Variants in DOP1A observed in about 807,000 individuals in gnomAD.
DOP1A encodes protein DOP1A.
A neutral mutation model predicts 267.6 loss-of-function variants in DOP1A; 90 were observed. That is an observed-to-expected ratio of 0.34 (90% CI 0.28 to 0.40). The LOEUF is 0.40. Ranked by LOEUF, DOP1A falls within the 10% of genes least tolerant of loss-of-function variation. DOP1A has a pLI of 1.00. For synonymous variants in DOP1A, 932 were observed against 999.1 expected, an observed-to-expected ratio of 0.93 and a Z score of 1.27; for missense variants, 2,437 against 2,900.4, an observed-to-expected ratio of 0.84 and a Z score of 3.67.
intron 1 of DOP1A, among the ~76,000 whole-genome samples, chr6:83,082,808 C>T (rs1768360349): frequency 2.0e-5 from 3 of 150,574 alleles, no homozygotes; most frequent in Non-Finnish European, 4.4e-5. Flanking sequence ...TTTTTAAACC[C>T]ACTTTTTTTT....
intron 38 of DOP1A, chr6:83,164,749 T>C (rs1562392601): frequency 1.3e-6 from 2 of 1,561,614 alleles, no homozygotes; most frequent in Admixed American, 1.9e-5. Context: ...GCTTATGATA[T>C]GGCAGCAAAA....
intron 23 of DOP1A, among the ~76,000 whole-genome samples, chr6:83,141,707 C>T (rs1779673677): frequency 6.6e-6 from 1 of 151,912 alleles, no homozygotes; most frequent in African/African-American, 2.4e-5. Context: ...TTTTATTTGG[C>T]TGATTGGTAG....
In DOP1A at chr6:83,108,969, G is replaced by A. The variant is rs1774112361; in HGVS notation, c.380G>A (p.Ser127Asn). The A allele has an allele frequency of 6.2e-7, 1 of 1,613,566 alleles. No homozygotes were observed. Among genetic ancestry groups the A allele is most frequent in the Admixed American group, 1.7e-5 (1 of 59,986 alleles). ...ATGTCTGTGAAACCAACATTGCTCA[G>A]TTTGTATGAGATATATTATCTGCCT... Reference protein sequence around the residue: ...AAMSVKPTLLSLYEIYYLPLG... With the variant: ...AAMSVKPTLLNLYEIYYLPLG... Residue 127 changes from serine (S) to asparagine (N), a missense_variant, in exon 5 of 39, where the codon AGT becomes AAT. By Grantham distance (46) the Ser-to-Asn change is conservative (BLOSUM62 1). Coordinates refer to ENST00000349129, the MANE Select transcript of DOP1A (RefSeq NM_015018.4).
chr6:83,118,599 ATTTGT>A (rs941430257), intron 7 of DOP1A, among the ~76,000 whole-genome samples: 15 of 152,090 alleles, frequency 9.9e-5, no homozygotes, highest in Non-Finnish European at 1.5e-4. Context: ...GCTTCATTTT[ATTTGT>A]TTTATGTCAG....
chr6:83,068,685 C>T (rs911437609), intron 1 of DOP1A, among the ~76,000 whole-genome samples: 1 of 152,178 alleles, frequency 6.6e-6, no homozygotes, highest in African/African-American at 2.4e-5. Flanking sequence ...CATAAGTTCT[C>T]ACATTTTAAT....
intron 1 of DOP1A, among the ~76,000 whole-genome samples, chr6:83,071,239 TCTCA>T (rs1785534142): frequency 6.6e-6 from 1 of 150,962 alleles, no homozygotes; most frequent in Non-Finnish European, 1.5e-5. Flanking sequence ...TGAAATGGAG[TCTCA>T]CTCTGTCATC....
chr6:83,153,155 T>G (rs753181672), intron 30 of DOP1A, among the ~76,000 whole-genome samples: 3 of 67,476 alleles, frequency 4.4e-5, no homozygotes, highest in East Asian at 4.2e-4. Flanking sequence ...CAATTGTTTG[T>G]TTTTTTTTCC....
chr6:83,073,001 C>CT (rs1324351622), intron 1 of DOP1A: 3 of 373,846 alleles, frequency 8.0e-6, no homozygotes, highest in Non-Finnish European at 1.6e-5. Flanking sequence ...AAGTTAGTCT[C>CT]TGACATTTTG....
At chr6:83,116,729 T>A (rs943261322) in intron 7 of DOP1A, among the ~76,000 whole-genome samples, 9 of 152,140 alleles carry the variant, frequency 5.9e-5, no homozygotes, top group African/African-American at 2.2e-4. Context: ...GAGAATCACT[T>A]GAACCTGGGA....
intron 1 of DOP1A, among the ~76,000 whole-genome samples, chr6:83,077,312 G>T (rs1767269604): frequency 6.6e-6 from 1 of 151,260 alleles, no homozygotes; most frequent in Admixed American, 6.6e-5. Context: ...AACCAGCCTG[G>T]GCAACATAGC....
At chr6:83,085,385 G>T (rs776322094) in intron 1 of DOP1A, among the ~76,000 whole-genome samples, 15 of 152,148 alleles carry the variant, frequency 9.9e-5, no homozygotes, top group Non-Finnish European at 2.1e-4. Context: ...AAATTTCAAA[G>T]TGTAACAAAT....
Position 83,145,675 on chromosome 6 carries a change from C to G in DOP1A, c.5676+17C>G. ...AAGGACAAGGTAAGAAAAAACTCTT[C>G]TTCACATGTGTTTACAATTCTGTTT... On this transcript the variant is annotated intron_variant, in intron 25 of 38. Transcript: ENST00000349129. The G allele has an allele frequency of 6.2e-7, 1 of 1,606,844 alleles. No individual in the cohort carries two copies.
At chr6:83,091,847 CTCTG>C (rs772150714) in intron 1 of DOP1A, among the ~76,000 whole-genome samples, 2 of 152,196 alleles carry the variant, frequency 1.3e-5, no homozygotes, top group Non-Finnish European at 2.9e-5. Flanking sequence ...GTGTGTTTTA[CTCTG>C]TCTACCACAT....
At chr6:83,111,618 G>T (rs765445334) in intron 6 of DOP1A, among the ~76,000 whole-genome samples, 1 of 151,986 alleles carries the variant, frequency 6.6e-6, no homozygotes, top group Non-Finnish European at 1.5e-5. Context: ...TTTCCCTAAA[G>T]ACTAACGATG....
Position 83,120,717 on chromosome 6 carries a change from G to C in DOP1A, c.1025G>C (p.Gly342Ala), listed in dbSNP as rs531365171. The part of the protein sequence containing the change: ...MVGILQVNGF[G>A]EENTLMQDLK... Reference sequence around the variant, plus strand: ...GGAATCTTACAAGTGAATGGATTTGGAGAAGAGAACACTCTAATGCAGGAT... The same window carrying C: ...GGAATCTTACAAGTGAATGGATTTGCAGAAGAGAACACTCTAATGCAGGAT... The change falls in exon 10 of 39, where the codon GGA becomes GCA. Residue 342 changes from glycine to alanine, a missense_variant. Physicochemically the swap from Gly to Ala is moderately conservative, Grantham distance 60 (BLOSUM62 0). Coordinates refer to ENST00000349129, the MANE Select transcript of DOP1A (RefSeq NM_015018.4). 7 of 1,586,246 alleles carry C rather than the reference G, an allele frequency of 4.4e-6. No individual in the cohort carries two copies. In the African/African-American group the frequency reaches 9.4e-5, roughly 21 times the overall value.
rs758365484 is a variant in DOP1A, at chr6:83,113,287, A to G, written c.682-36A>G. 4.5e-6 allele frequency: 7 copies of G among 1,550,368 alleles called. 1 individual carries two copies. The South Asian group carries it at 8.1e-5, about 18-fold the overall frequency. ...TTTCGTGGCAAAAATGTCTCAGCAT[A>G]ATAGACAATAGATGTTAAAGATGCT... On this transcript the variant is annotated intron_variant, in intron 6 of 38. Coordinates refer to ENST00000349129, the MANE Select transcript of DOP1A (RefSeq NM_015018.4).
In DOP1A at chr6:83,124,729, G is replaced by A. The variant is rs763170333; in HGVS notation, c.1365G>A (p.Gln455=). 2.5e-6 allele frequency: 4 copies of A among 1,612,974 alleles called. No homozygotes were observed. Among genetic ancestry groups the A allele is most frequent in the Non-Finnish European group, 2.5e-6 (3 of 1,179,488 alleles). The change falls in exon 13 of 39, where the codon CAG becomes CAA. Residue 455 remains glutamine (Q), a synonymous_variant. Transcript: ENST00000349129. ...GGAGGACACTGCATGTGAGACTTCA[G>A]ATTGGACCTGGAGATAGTAATGACT... The part of the protein sequence containing the change: ...CCRRTLHVRL[Q]IGPGDSNDSS...
Position 83,109,845 on chromosome 6 carries a change from T to TTTG in DOP1A, c.492-268_492-266dup, listed in dbSNP as rs571047057. On this transcript the variant is annotated intron_variant, in intron 5 of 38. Coordinates refer to ENST00000349129, the MANE Select transcript of DOP1A (RefSeq NM_015018.4). ...GTAGATAGGTCTTGTGGTGGAGTGT[T>TTTG]TTGTTGTTGTTGTTCTCTTCATTTT... is the stretch of plus-strand genomic sequence containing the variant. 2.1e-3 allele frequency among the ~76,000 whole-genome samples: 316 copies of TTTG among 152,268 alleles called. 1 individual carries two copies. Among genetic ancestry groups the TTTG allele is most frequent in the African/African-American group, 6.3e-3 (262 of 41,560 alleles).
chr6:83,082,870 C>T (rs185186536), intron 1 of DOP1A, among the ~76,000 whole-genome samples: 103 of 149,782 alleles, frequency 6.9e-4, no homozygotes, highest in Non-Finnish European at 1.3e-3. Context: ...TGCAGTGGTG[C>T]GGTCTCCACT....
Sources: allele counts gnomAD v4.1 joint callset (sites outside exome capture counted in the v4.1 genomes callset), GRCh38; gene constraint gnomAD v4.1.1; transcripts MANE v1.5; gene names NCBI Gene and HGNC (gene_info 2026-07-23, HGNC 2026-07-21).